GON4L: variants seen among roughly 807,000 people sequenced by gnomAD.
GON4L encodes the protein gon-4 like.
A neutral mutation model predicts 211.8 loss-of-function variants in GON4L; 87 were observed. That is an observed-to-expected ratio of 0.41 (90% CI 0.35 to 0.49). GON4L has a LOEUF of 0.49. Ranked by LOEUF, GON4L falls within the 20% of genes least tolerant of loss-of-function variation. The pLI is 0.15. For synonymous variants in GON4L, 875 were observed against 962.6 expected, an observed-to-expected ratio of 0.91 and a Z score of 1.68; for missense variants, 2,155 against 2,659.5, an observed-to-expected ratio of 0.81 and a Z score of 4.17.
At chr1:155,773,267 A>G (rs1401433996) in intron 17 of GON4L, 57 bp from the exon 18 acceptor site, 6 of 1,600,376 alleles carry the variant, frequency 3.7e-6, no homozygotes, top group Non-Finnish European at 5.1e-6. Context: ...GGGCTTCATA[A>G]AAGCCTGTGA....
chr1:155,775,786 A>T (rs970376139), intron 16 of GON4L, among the ~76,000 whole-genome samples: 1 of 151,642 alleles, frequency 6.6e-6, no homozygotes, highest in African/African-American at 2.4e-5. Flanking sequence ...CTTTTATTTT[A>T]TTTATTTATT....
chr1:155,792,603 G>A (rs544267392), intron 12 of GON4L, among the ~76,000 whole-genome samples: 1 of 152,284 alleles, frequency 6.6e-6, no homozygotes, highest in South Asian at 2.1e-4. Flanking sequence ...AACGAAGGAG[G>A]ATCTCCCTGA....
At chr1:155,852,730 G>T (rs768209308) in intron 2 of GON4L, among the ~76,000 whole-genome samples, 1 of 152,136 alleles carries the variant, frequency 6.6e-6, no homozygotes, top group East Asian at 1.9e-4. Context: ...GTGACAGAGC[G>T]AGACTCCGTC....
At chr1:155,800,792 T>C (rs1666577216) in intron 11 of GON4L, among the ~76,000 whole-genome samples, 1 of 138,080 alleles carries the variant, frequency 7.2e-6, no homozygotes, top group African/African-American at 2.8e-5. Context: ...GAGGTTGCAG[T>C]GAGCAGGGAT....
intron 2 of GON4L, among the ~76,000 whole-genome samples, chr1:155,835,534 A>T (rs1374962428): frequency 6.6e-6 from 1 of 151,662 alleles, no homozygotes; most frequent in African/African-American, 2.4e-5. Context: ...ATGGCTATAC[A>T]GGTCTCATGC....
chr1:155,845,335 G>A (rs957376914), intron 2 of GON4L: 1 of 197,532 alleles, frequency 5.1e-6, no homozygotes, highest in Non-Finnish European at 1.0e-5. Flanking sequence ...AACTCCAGTG[G>A]GTCACAGGGA....
chr1:155,756,772 A>G (rs766464010), intron 27 of GON4L, 186 bp downstream of exon 27: 107 of 555,466 alleles, frequency 1.9e-4, no homozygotes, highest in Non-Finnish European at 2.7e-4. Context: ...TAAAAATACA[A>G]AAATTTGCTG....
intron 10 of GON4L, among the ~76,000 whole-genome samples, chr1:155,810,503 C>T (rs967760871): frequency 2.0e-4 from 30 of 149,358 alleles, no homozygotes; most frequent in Admixed American, 1.8e-3. Flanking sequence ...GTCAGGAGAT[C>T]GAGACCATCC....
rs1446051180 is a variant in GON4L, at chr1:155,753,867, GGATTT to G, written c.5632-458_5632-454del. On this transcript the variant is annotated intron_variant, in intron 28 of 31. Coordinates refer to ENST00000368331, the MANE Select transcript of GON4L (RefSeq NM_001282860.2). ...CCCTGTTGCCCAGCTATTCCTCCAA[GGATTT>G]GATTTTTTTTTTTTTTAAACACGGT... The G allele has an allele frequency of 1.3e-5, 3 of 222,332 alleles. No homozygotes were observed. The East Asian group carries it at 3.6e-4, about 26-fold the overall frequency. The allele number at this position is 222,332 out of a possible 1,614,324, so 13.8% of individuals were successfully genotyped here. A position where few individuals can be genotyped will look rare whatever the true frequency, so the allele number is the denominator to read the frequency against.
intron 14 of GON4L, among the ~76,000 whole-genome samples, chr1:155,779,643 C>T (rs1313667639): frequency 2.6e-5 from 4 of 152,108 alleles, no homozygotes; most frequent in African/African-American, 4.8e-5. Context: ...CATAGGGTAT[C>T]AGCACATGCT....
At chr1:155,745,510 G>C (rs1405066194), downstream of GON4L, among the ~76,000 whole-genome samples, 3 of 152,230 alleles carry the variant, frequency 2.0e-5, no homozygotes, top group Non-Finnish European at 2.9e-5. Context: ...GGAAGTACGA[G>C]GCAGAGCCTT....
At chr1:155,777,942 A>T in intron 14 of GON4L, 122 bp from the exon 15 acceptor site, 1 of 718,188 alleles carries the variant, frequency 1.4e-6, no homozygotes, top group Non-Finnish European at 2.5e-6. Flanking sequence ...CCCCCATCTC[A>T]CTTTAGCCAA....
chr1:155,855,439 C>T (rs1672182491), intron 1 of GON4L, among the ~76,000 whole-genome samples: 2 of 152,094 alleles, frequency 1.3e-5, no homozygotes, highest in African/African-American at 4.8e-5. Context: ...TCGCTGCAGC[C>T]TCGACCTCCT....
rs1251960647 is a variant in GON4L, at chr1:155,853,616, T to G, written c.165A>C (p.Arg55Ser). 1 of 1,614,052 alleles carries G rather than the reference T, an allele frequency of 6.2e-7. No individual in the cohort carries two copies. The highest frequency in any genetic ancestry group is 8.5e-7 in the Non-Finnish European group (1 of 1,179,996). ...VSLSWDPSHG[R>S]VAGFEVQSLQ... ...AAGACTGTACTTCGAAGCCAGCTAC[T>G]CTGCCATGACTTGGATCCCAGGATA... The change falls in exon 2 of 32, where the codon AGA becomes AGC. Residue 55 changes from arginine to serine, a missense_variant. Physicochemically the swap from Arg to Ser is moderately radical, Grantham distance 110. Transcript: ENST00000368331.
chr1:155,771,251 A>T, intron 18 of GON4L, 34 bp from the exon 19 acceptor site: 1 of 1,613,012 alleles, frequency 6.2e-7, no homozygotes. Flanking sequence ...ATCTCACTTC[A>T]CAGTCCTTCC....
At chr1:155,832,854 T>C (rs924093006) in intron 2 of GON4L, 3 of 152,080 alleles carry the variant, frequency 2.0e-5, no homozygotes, top group African/African-American at 7.2e-5. Context: ...CTACGGGTGA[T>C]TTTTATTTTC....
intron 3 of GON4L, among the ~76,000 whole-genome samples, chr1:155,825,581 A>AC (rs1371112823): frequency 2.7e-5 from 4 of 149,086 alleles, no homozygotes; most frequent in Non-Finnish European, 6.0e-5. Context: ...CAAAACAAAA[A>AC]AAAAAAAAAT....
chr1:155,836,407 A>ACG (rs1670319538), intron 2 of GON4L, among the ~76,000 whole-genome samples: 1 of 151,708 alleles, frequency 6.6e-6, no homozygotes. Context: ...CTGCCACCAC[A>ACG]CCCAGCTAAT....
At chr1:155,819,138 A>T (rs1023796377) in intron 6 of GON4L, among the ~76,000 whole-genome samples, 4 of 144,816 alleles carry the variant, frequency 2.8e-5, no homozygotes, top group East Asian at 2.5e-4. Flanking sequence ...TAAAAATTTT[A>T]AAAAATACAA....
Sources: gnomAD v4.1 joint callset for allele counts (sites outside exome capture counted in the v4.1 genomes callset) on GRCh38, gnomAD v4.1.1 for gene constraint, MANE v1.5 for transcripts, NCBI Gene and HGNC (gene_info 2026-07-23, HGNC 2026-07-21) for gene names.